FASTKD1: variants seen among roughly 807,000 people sequenced by gnomAD.
The protein encoded by FASTKD1 is FAST kinase domains 1.
Under a neutral mutation model 90.9 loss-of-function variants are expected in FASTKD1, and 94 were observed. That is an observed-to-expected ratio of 1.03 (90% CI 0.88 to 1.23). The LOEUF (loss-of-function observed/expected upper bound fraction) is 1.23. FASTKD1 is among the 50% of genes most tolerant of loss of function. The pLI is 0.00. For synonymous variants in FASTKD1, 319 were observed against 345.8 expected, an observed-to-expected ratio of 0.92 and a Z score of 0.86; for missense variants, 945 against 993.5, an observed-to-expected ratio of 0.95 and a Z score of 0.66.
rs1684763844 is a variant in FASTKD1, at chr2:169,537,303, A to T, written c.2112T>A (p.Phe704Leu). The change falls in exon 12 of 15, where the codon TTT becomes TTA. Residue 704 changes from phenylalanine to leucine, a missense_variant. Coordinates refer to ENST00000453153, the MANE Select transcript of FASTKD1 (RefSeq NM_024622.6). ...GGMDGTQQQI[F>L]KMLAEVLGGI... Reference sequence around the variant, plus strand: ...CTCCTAGTACCTCTGCTAACATTTTAAAAATCTGCTGTTGTGTTCCATCCA... The same window carrying T: ...CTCCTAGTACCTCTGCTAACATTTTTAAAATCTGCTGTTGTGTTCCATCCA... 6.2e-7 allele frequency: 1 copy of T among 1,613,088 alleles called. No homozygotes were observed.
chr2:169,565,311 G>A (rs1292726092), intron 3 of FASTKD1, among the ~76,000 whole-genome samples: 1 of 128,332 alleles, frequency 7.8e-6, no homozygotes, highest in Non-Finnish European at 1.6e-5. Context: ...CACCCAGGCT[G>A]GAGTGCAGTG....
rs1684365242 is a variant in FASTKD1, at chr2:169,528,875, C to T, written c.*950G>A. Among the ~76,000 whole-genome samples, 1 of 151,994 alleles carries T rather than the reference C, an allele frequency of 6.6e-6. No individual in the cohort carries two copies. Among genetic ancestry groups the T allele is most frequent in the Non-Finnish European group, 1.5e-5 (1 of 67,994 alleles). ...GTATTACTTACCTTCCTTCCTCCTA[C>T]CTCATTGGCCATCCCTGCTCAGTCT... On this transcript the variant is annotated 3_prime_UTR_variant, in exon 15 of 15. Transcript: ENST00000453153.
chr2:169,566,527 C>T (rs1053517789), intron 3 of FASTKD1, among the ~76,000 whole-genome samples: 2 of 152,060 alleles, frequency 1.3e-5, no homozygotes, highest in African/African-American at 4.8e-5. Context: ...AACCTGGCAA[C>T]ATGGCGAAAT....
chr2:169,533,977 C>T (rs1195743303), intron 12 of FASTKD1, among the ~76,000 whole-genome samples: 1 of 151,766 alleles, frequency 6.6e-6, no homozygotes, highest in African/African-American at 2.4e-5. Flanking sequence ...TTAAGACCAG[C>T]CTGTGCAACA....
chr2:169,544,866 T>A, intron 8 of FASTKD1, 31 bp from the exon 9 acceptor site: 1 of 1,315,856 alleles, frequency 7.6e-7, no homozygotes, highest in Non-Finnish European at 1.1e-6. Context: ...ATTTATAGTT[T>A]AAACTTTAGG....
intron 3 of FASTKD1, among the ~76,000 whole-genome samples, chr2:169,568,312 T>C (rs1373127145): frequency 1.3e-5 from 2 of 152,120 alleles, no homozygotes; most frequent in Non-Finnish European, 2.9e-5. Flanking sequence ...TAGGTTTTTA[T>C]TGATAGCCAA....
chr2:169,562,490 C>T (rs1418630481), intron 4 of FASTKD1, among the ~76,000 whole-genome samples: 1 of 152,134 alleles, frequency 6.6e-6, no homozygotes, highest in African/African-American at 2.4e-5. Flanking sequence ...ACTTCGGCCT[C>T]CCAAAGTGCT....
Position 169,569,193 on chromosome 2 carries a change from C to T in FASTKD1, c.437G>A (p.Arg146Lys), listed in dbSNP as rs1188371634. 1.2e-6 allele frequency: 2 copies of T among 1,613,912 alleles called. No homozygotes were observed. The highest frequency in any genetic ancestry group is 1.7e-6 in the Non-Finnish European group (2 of 1,179,966). The change falls in exon 3 of 15, where the codon AGG becomes AAG. Residue 146 changes from arginine (R) to lysine (K), a missense_variant. Transcript: ENST00000453153. ...VEALVTEAWRRLERFDIKLLS... is the reference protein window; with the variant it reads ...VEALVTEAWRKLERFDIKLLS... Reference sequence around the variant, plus strand: ...AACCCAGGGTACTTGCCTTTCTAGCCTTCTCCATGCTTCTGTAACTAGTGC... The same window carrying T: ...AACCCAGGGTACTTGCCTTTCTAGCTTTCTCCATGCTTCTGTAACTAGTGC...
chr2:169,555,623 C>T lies in FASTKD1; in HGVS notation c.1083-368G>A, dbSNP rs768061161. Among the ~76,000 whole-genome samples, 9 of 152,046 alleles carry T rather than the reference C, an allele frequency of 5.9e-5. No individual in the cohort carries two copies. In the South Asian group the frequency reaches 6.2e-4, roughly 11 times the overall value. On this transcript the variant is annotated intron_variant, in intron 6 of 14. Transcript: ENST00000453153. ...TAGCAAAACTAATTTAATTTTCTTC[C>T]GTAAATCCACTGGCCCTCAAATGAA...
At chr2:169,563,082 C>T (rs1171231905) in intron 4 of FASTKD1, 143 bp downstream of exon 4, 1 of 695,426 alleles carries the variant, frequency 1.4e-6, no homozygotes, top group Non-Finnish European at 2.4e-6. Flanking sequence ...ATTACTATCC[C>T]TCTTTTGCAG....
chr2:169,553,942 G>A (rs945738399), intron 7 of FASTKD1, among the ~76,000 whole-genome samples: 4 of 150,466 alleles, frequency 2.7e-5, no homozygotes, highest in East Asian at 2.0e-4. Context: ...AATAAATAAC[G>A]GTAAGAAATC....
intron 3 of FASTKD1, among the ~76,000 whole-genome samples, chr2:169,568,316 T>G (rs531391031): frequency 6.6e-6 from 1 of 152,150 alleles, no homozygotes; most frequent in East Asian, 1.9e-4. Flanking sequence ...TTTTTATTGA[T>G]AGCCAATTAA....
At chr2:169,537,405 C>T (rs1412620378) in intron 11 of FASTKD1, 65 bp from the exon 12 acceptor site, 74 of 1,166,386 alleles carry the variant, frequency 6.3e-5, no homozygotes, top group Non-Finnish European at 7.8e-5. Flanking sequence ...TCCTTTGAGA[C>T]GGAGTTTTCG....
chr2:169,552,160 C>T (rs576699782), intron 7 of FASTKD1, among the ~76,000 whole-genome samples: 1 of 152,242 alleles, frequency 6.6e-6, no homozygotes, highest in South Asian at 2.1e-4. Context: ...TATATAACAA[C>T]ACCAAACTTT....
intron 8 of FASTKD1, among the ~76,000 whole-genome samples, chr2:169,545,087 T>C (rs1284140541): frequency 6.6e-6 from 1 of 152,170 alleles, no homozygotes; most frequent in East Asian, 1.9e-4. Flanking sequence ...TTTTGTTAGG[T>C]GTAAAATTCT....
rs1223284407 is a variant in FASTKD1 at position 169,562,034 on chromosome 2, A to T, written c.572+1191T>A. Among the ~76,000 whole-genome samples the T allele has an allele frequency of 2.3e-5, 3 of 132,014 alleles. 1 individual carries two copies. The highest frequency in any genetic ancestry group is 5.6e-5 in the African/African-American group (2 of 35,496). 86.6% of individuals were successfully genotyped at this position (132,014 alleles called of 152,430 possible). ...ATTTATTGTAAATTAATTATTTATT[A>T]ATTTATTGTAAATTAATTATTTATT... On this transcript the variant is annotated intron_variant, in intron 4 of 14. Coordinates refer to ENST00000453153, the MANE Select transcript of FASTKD1 (RefSeq NM_024622.6).
At chr2:169,564,459 G>A (rs1683860816) in intron 3 of FASTKD1, among the ~76,000 whole-genome samples, 1 of 151,860 alleles carries the variant, frequency 6.6e-6, no homozygotes, top group Non-Finnish European at 1.5e-5. Context: ...TACATAGTAG[G>A]TACATATATT....
chr2:169,561,300 C>T (rs1346302641), intron 4 of FASTKD1, among the ~76,000 whole-genome samples: 1 of 149,772 alleles, frequency 6.7e-6, no homozygotes. Flanking sequence ...AAAAAAAAGG[C>T]AGGGAAGTAG....
intron 3 of FASTKD1, among the ~76,000 whole-genome samples, chr2:169,564,708 C>T (rs979098132): frequency 1.3e-5 from 2 of 152,052 alleles, no homozygotes; most frequent in African/African-American, 4.8e-5. Flanking sequence ...CCCCACCTCC[C>T]CCACAATCGC....
Sources: gnomAD v4.1 joint callset for allele counts (sites outside exome capture counted in the v4.1 genomes callset) on GRCh38, gnomAD v4.1.1 for gene constraint, MANE v1.5 for transcripts, NCBI Gene and HGNC (gene_info 2026-07-23, HGNC 2026-07-21) for gene names.